CACNA2D3: variants seen among roughly 807,000 people sequenced by gnomAD.
The protein encoded by CACNA2D3 is voltage-dependent calcium channel subunit alpha-2/delta-3.
Under a neutral mutation model 160.6 loss-of-function variants are expected in CACNA2D3, and 60 were observed. The observed-to-expected ratio is 0.37, with a 90% CI of 0.30 to 0.46. CACNA2D3 has a LOEUF of 0.46. Ranked by LOEUF, CACNA2D3 falls within the 20% of genes least tolerant of loss-of-function variation. The pLI is 1.00. For synonymous variants in CACNA2D3, 558 were observed against 492.9 expected (o/e 1.13, Z -1.75); for missense variants, 1,205 against 1,365.0 (o/e 0.88, Z 1.85).
chr3:54,781,575 G>A (rs1319184147), intron 13 of CACNA2D3, among the ~76,000 whole-genome samples: 4 of 152,194 alleles, frequency 2.6e-5, no homozygotes, highest in Non-Finnish European at 1.5e-5. Context: ...TGGCCAATGG[G>A]ATAAGTGTTC....
intron 9 of CACNA2D3, among the ~76,000 whole-genome samples, chr3:54,591,900 G>C (rs1702867541): frequency 6.6e-6 from 1 of 152,030 alleles, no homozygotes; most frequent in South Asian, 2.1e-4. Flanking sequence ...GATCCTTTGG[G>C]GTGTATCATT....
At chr3:54,515,806 G>T (rs1017903285) in intron 5 of CACNA2D3, among the ~76,000 whole-genome samples, 1 of 152,222 alleles carries the variant, frequency 6.6e-6, no homozygotes, top group South Asian at 2.1e-4. Context: ...AAATATGTCA[G>T]TGCTTCCAAG....
intron 2 of CACNA2D3, among the ~76,000 whole-genome samples, chr3:54,173,654 T>C (rs1700615143): frequency 6.6e-6 from 1 of 152,208 alleles, no homozygotes; most frequent in Non-Finnish European, 1.5e-5. Flanking sequence ...TTAGTGGAAA[T>C]GATTAATCTT....
intron 4 of CACNA2D3, among the ~76,000 whole-genome samples, chr3:54,463,562 G>A (rs916182545): frequency 2.6e-5 from 4 of 151,854 alleles, no homozygotes; most frequent in Non-Finnish European, 5.9e-5. Flanking sequence ...CCAGTTGATC[G>A]CATCGGCTCC....
At chr3:54,689,115 C>A (rs906460995) in intron 11 of CACNA2D3, among the ~76,000 whole-genome samples, 1 of 150,372 alleles carries the variant, frequency 6.7e-6, no homozygotes, top group African/African-American at 2.4e-5. Context: ...TAGTGATGGT[C>A]GCTGAAACCA....
At chr3:54,393,184 G>A (rs1402726052) in intron 4 of CACNA2D3, among the ~76,000 whole-genome samples, 1 of 152,164 alleles carries the variant, frequency 6.6e-6, no homozygotes, top group Non-Finnish European at 1.5e-5. Flanking sequence ...GTGGAAAAAA[G>A]GTGAGCAAGA....
chr3:54,896,559 A>G, intron 25 of CACNA2D3, 190 bp from the exon 26 acceptor site: 1 of 586,452 alleles, frequency 1.7e-6, no homozygotes, highest in African/African-American at 1.8e-5. Context: ...TGACTCCCAG[A>G]GCTCTGCAAG....
intron 12 of CACNA2D3, among the ~76,000 whole-genome samples, chr3:54,758,254 C>A (rs769936903): frequency 5.3e-5 from 8 of 152,066 alleles, no homozygotes; most frequent in South Asian, 4.2e-4. Context: ...CCAGTGTGTA[C>A]CTTTAGATTG....
In CACNA2D3 at chr3:54,526,442, T is replaced by C. The variant is rs532213585; in HGVS notation, c.544+22788T>C. Among the ~76,000 whole-genome samples, 3 of 152,276 alleles carry C rather than the reference T, an allele frequency of 2.0e-5. No individual in the cohort carries two copies. In the East Asian group the frequency reaches 5.8e-4, roughly 29 times the overall value. ...TAGAAACTGGACATTTTAGATAATATATTTTAGCAACCCTGGGTACTGGTT... is the reference window on the plus strand; with the variant it reads ...TAGAAACTGGACATTTTAGATAATACATTTTAGCAACCCTGGGTACTGGTT... On this transcript the variant is annotated intron_variant, in intron 5 of 37. Coordinates refer to ENST00000474759, the MANE Select transcript of CACNA2D3 (RefSeq NM_018398.3).
chr3:54,298,354 G>A lies in CACNA2D3; in HGVS notation c.205-22088G>A, dbSNP rs139782139. 1.3e-3 allele frequency among the ~76,000 whole-genome samples: 192 copies of A among 152,354 alleles called. 1 individual carries two copies. The highest frequency in any genetic ancestry group is 4.4e-3 in the African/African-American group (185 of 41,576). On this transcript the variant is annotated intron_variant, in intron 2 of 37. Transcript: ENST00000474759. ...CTAGCACTCACACAGGGCATGTGCC[G>A]GGTTACGAGAAATAATTTTGAACAA...
At chr3:54,447,716 T>C (rs1270640747) in intron 4 of CACNA2D3, among the ~76,000 whole-genome samples, 1 of 152,242 alleles carries the variant, frequency 6.6e-6, no homozygotes, top group East Asian at 1.9e-4. Flanking sequence ...GACTTTCCTG[T>C]TCTTTTGAAA....
intron 2 of CACNA2D3, among the ~76,000 whole-genome samples, chr3:54,224,792 CT>C (rs1559887740): frequency 6.6e-6 from 1 of 151,534 alleles, no homozygotes; most frequent in Non-Finnish European, 1.5e-5. Context: ...ACACATTTAC[CT>C]TTTTGGTTGC....
intron 11 of CACNA2D3, among the ~76,000 whole-genome samples, chr3:54,740,483 G>T (rs906043369): frequency 6.6e-6 from 1 of 152,034 alleles, no homozygotes; most frequent in African/African-American, 2.4e-5. Flanking sequence ...TGAGGATCTT[G>T]GGTTATTAGA....
chr3:54,895,328 T>C (rs1309463698), intron 25 of CACNA2D3, among the ~76,000 whole-genome samples: 1 of 152,146 alleles, frequency 6.6e-6, no homozygotes, highest in East Asian at 1.9e-4. Flanking sequence ...CTGGAAATAT[T>C]GGGAGGAGGA....
At chr3:54,618,182 A>C (rs577919187) in intron 9 of CACNA2D3, among the ~76,000 whole-genome samples, 57 of 151,018 alleles carry the variant, frequency 3.8e-4, no homozygotes, top group African/African-American at 1.4e-3. Flanking sequence ...GAAATTATTG[A>C]CTCAATTCTT....
intron 2 of CACNA2D3, among the ~76,000 whole-genome samples, chr3:54,190,761 T>C (rs1436895213): frequency 6.6e-6 from 1 of 152,202 alleles, no homozygotes; most frequent in Non-Finnish European, 1.5e-5. Flanking sequence ...TTACAAACAT[T>C]AGTTGCAACT....
intron 12 of CACNA2D3, among the ~76,000 whole-genome samples, chr3:54,761,153 C>T (rs1702073029): frequency 6.6e-6 from 1 of 152,176 alleles, no homozygotes; most frequent in African/African-American, 2.4e-5. Context: ...TTTGGAAAAT[C>T]CAAATCAGAG....
chr3:54,816,038 G>A (rs13317795), intron 13 of CACNA2D3, among the ~76,000 whole-genome samples: 2,251 of 152,160 alleles, frequency 0.015, 56 homozygotes, highest in African/African-American at 0.051. Context: ...AATATGTCTC[G>A]TAAATGTTGA....
chr3:54,962,692 T>G (rs1343473912), intron 27 of CACNA2D3, among the ~76,000 whole-genome samples: 1 of 152,196 alleles, frequency 6.6e-6, no homozygotes, highest in Non-Finnish European at 1.5e-5. Context: ...AAACAACTCC[T>G]GATTGGAATT....
Sources: allele counts gnomAD v4.1 joint callset (sites outside exome capture counted in the v4.1 genomes callset), GRCh38; gene constraint gnomAD v4.1.1; transcripts MANE v1.5; gene names NCBI Gene and HGNC (gene_info 2026-07-23, HGNC 2026-07-21).